Variants in EYA4 observed in about 807,000 individuals in gnomAD.
The protein encoded by EYA4 is protein phosphatase EYA4.
EYA4 carries 31 observed loss-of-function variants against 87.9 expected under a neutral mutation model. That is an observed-to-expected ratio of 0.35 (90% CI 0.27 to 0.48). EYA4 has a LOEUF of 0.48. Among genes scored for constraint, EYA4 ranks in the 20% least tolerant of loss-of-function variants. EYA4 has a pLI of 0.99. For synonymous variants in EYA4, 263 were observed against 270.6 expected, an observed-to-expected ratio of 0.97 and a Z score of 0.28; for missense variants, 678 against 761.4, an observed-to-expected ratio of 0.89 and a Z score of 1.29.
intron 3 of EYA4, among the ~76,000 whole-genome samples, chr6:133,423,074 A>G (rs1583235716): frequency 6.6e-6 from 1 of 152,096 alleles, no homozygotes; most frequent in Non-Finnish European, 1.5e-5. Flanking sequence ...GGCGATGGGG[A>G]ACACAAAGGG....
chr6:133,530,720 G>A lies in EYA4; in HGVS notation c.*1915G>A, dbSNP rs1207077511. ...AGAAAGATATTGAGATCCCAATTTT[G>A]TACAAGATTGTGATTTCATTATCTA... On this transcript the variant is annotated 3_prime_UTR_variant, in exon 20 of 20. Transcript: ENST00000355286. 1.0e-6 allele frequency: 1 copy of A among 985,804 alleles called. No homozygotes were observed. Among genetic ancestry groups the A allele is most frequent in the Non-Finnish European group, 1.2e-6 (1 of 829,974 alleles). The allele number at this position is 985,804 out of a possible 1,614,324, so 61.1% of individuals were successfully genotyped here. A position where few individuals can be genotyped will look rare whatever the true frequency, so the allele number is the denominator to read the frequency against.
At chr6:133,410,013 G>A (rs991370830) in intron 3 of EYA4, among the ~76,000 whole-genome samples, 9 of 152,096 alleles carry the variant, frequency 5.9e-5, no homozygotes, top group African/African-American at 2.2e-4. Context: ...TTAAAAAATA[G>A]AGTTATTAAG....
At chr6:133,520,020 C>G (rs1165368082) in intron 17 of EYA4, among the ~76,000 whole-genome samples, 4 of 151,970 alleles carry the variant, frequency 2.6e-5, no homozygotes, top group Non-Finnish European at 5.9e-5. Context: ...AAACCCACAG[C>G]CAATATCATA....
In EYA4 at chr6:133,289,923, C is replaced by G. The variant is rs113550829; in HGVS notation, c.33+15110C>G. On this transcript the variant is annotated intron_variant, in intron 2 of 19. Transcript: ENST00000355286. Reference sequence around the variant, plus strand: ...AAGGAGAACTGCGAAAACAAACAAACAAAGGAGAGTTAAAAATGAAAGGGC... The same window carrying G: ...AAGGAGAACTGCGAAAACAAACAAAGAAAGGAGAGTTAAAAATGAAAGGGC... Among the ~76,000 whole-genome samples the G allele has an allele frequency of 5.0e-3, 763 of 152,202 alleles. 3 individuals carry two copies. The highest frequency in any genetic ancestry group is 6.8e-3 in the Non-Finnish European group (463 of 67,998).
chr6:133,445,666 C>T (rs1371847327), intron 3 of EYA4, among the ~76,000 whole-genome samples: 1 of 151,984 alleles, frequency 6.6e-6, no homozygotes, highest in Non-Finnish European at 1.5e-5. Flanking sequence ...GCAAGCTCCG[C>T]ATCCCAGGTT....
chr6:133,518,013 A>G (rs1413099063), intron 17 of EYA4, among the ~76,000 whole-genome samples: 1 of 152,208 alleles, frequency 6.6e-6, no homozygotes, highest in Non-Finnish European at 1.5e-5. Flanking sequence ...TGTCTAAACC[A>G]GTTGAAATGG....
chr6:133,475,903 C>T (rs915828861), intron 11 of EYA4, among the ~76,000 whole-genome samples: 1 of 152,156 alleles, frequency 6.6e-6, no homozygotes, highest in Non-Finnish European at 1.5e-5. Context: ...CCAGATGTAT[C>T]GCATGGCCTC....
At chr6:133,394,096 C>T (rs545330906) in intron 3 of EYA4, among the ~76,000 whole-genome samples, 6 of 152,196 alleles carry the variant, frequency 3.9e-5, no homozygotes, top group Middle Eastern at 3.4e-3. Flanking sequence ...TCTTTGTTCA[C>T]GTGTTTATGA....
chr6:133,336,917 C>G (rs1189974875), intron 2 of EYA4, among the ~76,000 whole-genome samples: 1 of 152,046 alleles, frequency 6.6e-6, no homozygotes, highest in African/African-American at 2.4e-5. Context: ...GAGTAGATGG[C>G]AGGCTGGGTA....
intron 3 of EYA4, among the ~76,000 whole-genome samples, chr6:133,398,726 CT>C (rs1236024589): frequency 6.6e-6 from 1 of 152,108 alleles, no homozygotes; most frequent in Non-Finnish European, 1.5e-5. Context: ...TGGACCTTTT[CT>C]TTGGTAAGTT....
At chr6:133,405,060 A>T (rs1163813034) in intron 3 of EYA4, among the ~76,000 whole-genome samples, 1 of 152,110 alleles carries the variant, frequency 6.6e-6, no homozygotes, top group Non-Finnish European at 1.5e-5. Context: ...TTCACTGAGA[A>T]TCATTTCCTA....
Position 133,428,654 on chromosome 6 carries a change from C to G in EYA4, c.84-17976C>G, listed in dbSNP as rs1032655000. On this transcript the variant is annotated intron_variant, in intron 3 of 19. Coordinates refer to ENST00000355286, the MANE Select transcript of EYA4 (RefSeq NM_004100.5). ...CCACGGCTGTGAATTTGTCCTACAT[C>G]TGTTTCTCCTCTGGGGATAGAATGA... Among the ~76,000 whole-genome samples, 4 of 152,112 alleles carry G rather than the reference C, an allele frequency of 2.6e-5. 1 individual carries two copies. Among genetic ancestry groups the G allele is most frequent in the Admixed American group, 2.6e-4 (4 of 15,280 alleles).
At chr6:133,251,773 G>A (rs1774922908) in intron 1 of EYA4, among the ~76,000 whole-genome samples, 2 of 152,036 alleles carry the variant, frequency 1.3e-5, no homozygotes, top group African/African-American at 2.4e-5. Context: ...GAGCAAAATT[G>A]CCTCTTCTTG....
chr6:133,473,955 A>G (rs994118614), intron 11 of EYA4, among the ~76,000 whole-genome samples: 6 of 152,062 alleles, frequency 3.9e-5, no homozygotes, highest in African/African-American at 1.2e-4. Flanking sequence ...TGTTGCATCA[A>G]GGATCTTACT....
intron 2 of EYA4, among the ~76,000 whole-genome samples, chr6:133,297,607 C>T (rs1344912676): frequency 2.0e-5 from 3 of 152,220 alleles, no homozygotes; most frequent in Non-Finnish European, 4.4e-5. Context: ...GAGTTCAGGG[C>T]AAACACAGCC....
intron 2 of EYA4, among the ~76,000 whole-genome samples, chr6:133,378,320 GA>G (rs1250588055): frequency 2.6e-5 from 4 of 152,066 alleles, no homozygotes; most frequent in Admixed American, 6.6e-5. Context: ...TAGTTCATAA[GA>G]GGAGGATTTT....
intron 3 of EYA4, among the ~76,000 whole-genome samples, chr6:133,392,253 G>A (rs1787366195): frequency 6.6e-6 from 1 of 151,892 alleles, no homozygotes; most frequent in Non-Finnish European, 1.5e-5. Context: ...TCCATTTCCT[G>A]TGTGTAGTTG....
intron 3 of EYA4, chr6:133,434,971 A>AT (rs1199863472): frequency 1.3e-5 from 2 of 152,204 alleles, no homozygotes; most frequent in Non-Finnish European, 2.9e-5. Context: ...CAGAAAGTGA[A>AT]TCCTGTGCCA....
At chr6:133,319,739 T>C (rs949350864) in intron 2 of EYA4, among the ~76,000 whole-genome samples, 2 of 148,474 alleles carry the variant, frequency 1.3e-5, no homozygotes, top group Non-Finnish European at 3.0e-5. Context: ...TTTTTTGAGA[T>C]ATTGCTTCAC....
Sources: gnomAD v4.1 joint callset for allele counts (sites outside exome capture counted in the v4.1 genomes callset) on GRCh38, gnomAD v4.1.1 for gene constraint, MANE v1.5 for transcripts, NCBI Gene and HGNC (gene_info 2026-07-23, HGNC 2026-07-21) for gene names.